Variants in DGKB observed in about 807,000 individuals in gnomAD.
The protein encoded by DGKB is 90 kDa diacylglycerol kinase.
In DGKB, 67 loss-of-function variants were observed where a neutral mutation model predicts 114.3. The ratio of observed to expected loss-of-function variants is 0.59; its 90% CI spans 0.48 to 0.72. DGKB has a LOEUF of 0.72. Ranked by LOEUF, DGKB falls within the 30% of genes least tolerant of loss-of-function variation. The pLI, the probability that DGKB is intolerant of heterozygous loss-of-function variation, is 0.00. For synonymous variants in DGKB, 398 were observed against 323.1 expected, an observed-to-expected ratio of 1.23 and a Z score of -2.49; for missense variants, 907 against 975.2, an observed-to-expected ratio of 0.93 and a Z score of 0.93.
At chr7:14,903,693 G>C (rs1003809218), upstream of DGKB, among the ~76,000 whole-genome samples, 1 of 151,998 alleles carries the variant, frequency 6.6e-6, no homozygotes, top group Non-Finnish European at 1.5e-5. Flanking sequence ...TTAAATATTG[G>C]GAGAAACTCT....
At chr7:14,831,439 C>T (rs1846398503) in intron 2 of DGKB, among the ~76,000 whole-genome samples, 1 of 151,998 alleles carries the variant, frequency 6.6e-6, no homozygotes, top group Non-Finnish European at 1.5e-5. Flanking sequence ...CCTTGGGAGA[C>T]AGAGATTATA....
upstream of DGKB, among the ~76,000 whole-genome samples, chr7:14,906,405 T>G (rs1221548721): frequency 6.6e-6 from 1 of 151,644 alleles, no homozygotes; most frequent in Non-Finnish European, 1.5e-5. Flanking sequence ...TATCAGAAGT[T>G]ATTGACATTA....
At chr7:14,593,934 A>G (rs1802118828) in intron 17 of DGKB, among the ~76,000 whole-genome samples, 1 of 151,966 alleles carries the variant, frequency 6.6e-6, no homozygotes, top group African/African-American at 2.4e-5. Flanking sequence ...TAAGAAAAGT[A>G]ACTTTGAAAT....
intron 25 of DGKB, 90 bp from the exon 26 acceptor site, chr7:14,149,328 A>G: frequency 1.1e-6 from 1 of 905,416 alleles, no homozygotes; most frequent in South Asian, 1.7e-5. Context: ...TGTTAAGGTT[A>G]ATAATATTTC....
chr7:14,500,460 T>A (rs1392098996), intron 20 of DGKB, among the ~76,000 whole-genome samples: 2 of 145,896 alleles, frequency 1.4e-5, no homozygotes, highest in East Asian at 2.3e-4. Flanking sequence ...TGAACCAAAC[T>A]AAAAAGTTTC....
chr7:14,922,771 T>A (rs1298522809), intron 1 of DGKB, among the ~76,000 whole-genome samples: 1 of 152,162 alleles, frequency 6.6e-6, no homozygotes, highest in African/African-American at 2.4e-5. Flanking sequence ...GATACAGTGT[T>A]ATGTTTTGAG....
intron 2 of DGKB, among the ~76,000 whole-genome samples, chr7:14,840,644 C>T (rs1026884918): frequency 2.0e-5 from 3 of 150,778 alleles, no homozygotes; most frequent in Admixed American, 6.6e-5. Context: ...TCTTTTACAA[C>T]CTCTGATTCT....
intron 25 of DGKB, among the ~76,000 whole-genome samples, chr7:14,169,460 G>A (rs570003045): frequency 2.9e-4 from 44 of 151,774 alleles, no homozygotes; most frequent in Middle Eastern, 3.5e-3. Flanking sequence ...GAGACCAGAA[G>A]AATGAATCTA....
At chr7:14,205,550 A>G (rs1290783314) in intron 23 of DGKB, among the ~76,000 whole-genome samples, 1 of 151,966 alleles carries the variant, frequency 6.6e-6, no homozygotes, top group Non-Finnish European at 1.5e-5. Context: ...TAAAGGTTTT[A>G]AAAAATAAGT....
chr7:14,482,793 T>C (rs1783177520), intron 20 of DGKB, among the ~76,000 whole-genome samples: 2 of 152,110 alleles, frequency 1.3e-5, no homozygotes, highest in Admixed American at 6.6e-5. Context: ...ATACTATGTA[T>C]ATAAGGCACT....
chr7:14,697,593 T>C (rs964714898), intron 8 of DGKB, among the ~76,000 whole-genome samples: 15 of 149,246 alleles, frequency 1.0e-4, no homozygotes, highest in Non-Finnish European at 1.9e-4. Context: ...TGATTAGAAA[T>C]AGTAACTTAG....
chr7:14,969,642 G>A (rs150510954), intron 1 of DGKB, among the ~76,000 whole-genome samples: 3 of 152,182 alleles, frequency 2.0e-5, no homozygotes, highest in South Asian at 2.1e-4. Flanking sequence ...TTGTGTGCTC[G>A]TTATGAGAGT....
chr7:14,927,372 T>C (rs1784797579), intron 1 of DGKB, among the ~76,000 whole-genome samples: 1 of 152,044 alleles, frequency 6.6e-6, no homozygotes, highest in Non-Finnish European at 1.5e-5. Context: ...TTTTTGTTTG[T>C]TTGCTTTCTG....
intron 21 of DGKB, among the ~76,000 whole-genome samples, chr7:14,405,584 T>C (rs1294458986): frequency 2.0e-5 from 3 of 152,034 alleles, no homozygotes; most frequent in Non-Finnish European, 4.4e-5. Context: ...ATTCTAGGTG[T>C]TGAGGATGCA....
chr7:14,268,015 A>C (rs182397007), intron 23 of DGKB, among the ~76,000 whole-genome samples: 104 of 152,286 alleles, frequency 6.8e-4, no homozygotes, highest in African/African-American at 2.3e-3. Context: ...TAAGTCTATA[A>C]TTCCATGGTT....
At chr7:14,267,784 C>T (rs38269) in intron 23 of DGKB, among the ~76,000 whole-genome samples, 84,838 of 151,970 alleles carry the variant, frequency 0.56, 26,390 homozygotes, top group East Asian at 0.99. Context: ...CCACCGTTCC[C>T]GGCCTATTGT....
At chr7:14,777,819 C>T (rs924371330) in intron 2 of DGKB, among the ~76,000 whole-genome samples, 4 of 152,104 alleles carry the variant, frequency 2.6e-5, no homozygotes, top group African/African-American at 4.8e-5. Context: ...AACGGGCTCA[C>T]AGAATTTAAG....
At chr7:14,451,668 T>C (rs1831529283) in intron 21 of DGKB, among the ~76,000 whole-genome samples, 2 of 152,032 alleles carry the variant, frequency 1.3e-5, no homozygotes, top group Non-Finnish European at 2.9e-5. Context: ...ACTTAAACAT[T>C]GTTCTGAGAA....
chr7:14,613,457 A>AT (rs1805941937), intron 15 of DGKB, 44 bp from the exon 16 acceptor site: 1 of 1,018,420 alleles, frequency 9.8e-7, no homozygotes, highest in African/African-American at 1.6e-5. Context: ...TAGGCCCATT[A>AT]TATATGAAGA....
Sources: gnomAD v4.1 joint callset for allele counts (sites outside exome capture counted in the v4.1 genomes callset) on GRCh38, gnomAD v4.1.1 for gene constraint, MANE v1.5 for transcripts, NCBI Gene and HGNC (gene_info 2026-07-23, HGNC 2026-07-21) for gene names.